GCNT2: variants seen among roughly 807,000 people sequenced by gnomAD.
GCNT2 encodes the protein N-acetyllactosaminide beta-1,6-N-acetylglucosaminyl-transferase.
GCNT2 carries 34 observed loss-of-function variants against 34.2 expected under a neutral mutation model. The ratio of observed to expected loss-of-function variants is 1.00; its 90% CI spans 0.76 to 1.32. GCNT2 has a LOEUF of 1.32. GCNT2 is among the 40% of genes most tolerant of loss of function. The probability of loss-of-function intolerance (pLI) is 0.00; values close to 1 mark genes in which losing one functional copy is unlikely to be tolerated. For synonymous variants in GCNT2, 212 were observed against 188.0 expected, an observed-to-expected ratio of 1.13 and a Z score of -1.04; for missense variants, 584 against 489.4, an observed-to-expected ratio of 1.19 and a Z score of -1.82.
rs189143197 is a variant in GCNT2, at chr6:10,608,714, T to C, written c.926-12637T>C. On this transcript the variant is annotated intron_variant, in intron 3 of 4. Coordinates refer to ENST00000495262, the MANE Select transcript of GCNT2 (RefSeq NM_145649.5). ...AGAGGCTACCTTAGGGTTTTAACTT[T>C]AGTAACTTAGTTCCTAACAAGGTTG... 1.2e-4 allele frequency among the ~76,000 whole-genome samples: 18 copies of C among 152,336 alleles called. No individual in the cohort carries two copies. In the East Asian group the frequency reaches 2.5e-3, roughly 21 times the overall value.
At chr6:10,563,778 ATATATATATATATAT>A (rs1480347537) in intron 3 of GCNT2, among the ~76,000 whole-genome samples, 2 of 23,190 alleles carry the variant, frequency 8.6e-5, no homozygotes, top group Admixed American at 1.2e-3. Context: ...AAAAAAAAAA[ATATATATATATATAT>A]ATATATATAT....
chr6:10,578,659 G>A (rs1417171652), intron 3 of GCNT2, among the ~76,000 whole-genome samples: 1 of 151,944 alleles, frequency 6.6e-6, no homozygotes, highest in Non-Finnish European at 1.5e-5. Flanking sequence ...TGTTAGCCAG[G>A]ATGGTCTCAA....
chr6:10,573,095 C>G (rs796957382), intron 3 of GCNT2: 2 of 707,374 alleles, frequency 2.8e-6, no homozygotes, highest in African/African-American at 3.8e-5. Flanking sequence ...CTGCCTATCT[C>G]TATTTTAAGA....
chr6:10,621,459 C>G lies in GCNT2; in HGVS notation c.1018+16C>G. 6.5e-7 allele frequency: 1 copy of G among 1,540,614 alleles called. No homozygotes were observed. The highest frequency in any genetic ancestry group is 9.0e-7 in the Non-Finnish European group (1 of 1,113,516). On this transcript the variant is annotated intron_variant, in intron 4 of 4. Coordinates refer to ENST00000495262, the MANE Select transcript of GCNT2 (RefSeq NM_145649.5). ...GGCTGCCACGGTGAGGCTCTCGTTC[C>G]ATGCTTCTAGGCCACTGCCTGTTGG...
chr6:10,583,356 C>G (rs565936752), intron 3 of GCNT2, among the ~76,000 whole-genome samples: 1 of 152,288 alleles, frequency 6.6e-6, no homozygotes, highest in East Asian at 1.9e-4. Flanking sequence ...GCTGTTCCAA[C>G]TGGCACAAGC....
chr6:10,525,481 G>A (rs1305922036), intron 1 of GCNT2, among the ~76,000 whole-genome samples: 1 of 152,100 alleles, frequency 6.6e-6, no homozygotes, highest in African/African-American at 2.4e-5. Context: ...ACAAACGCAA[G>A]AGCCTAGAGC....
chr6:10,592,795 G>T (rs978645143), intron 3 of GCNT2, among the ~76,000 whole-genome samples: 1 of 152,134 alleles, frequency 6.6e-6, no homozygotes, highest in Non-Finnish European at 1.5e-5. Flanking sequence ...AGGATGGAGT[G>T]CAGTGGTGTG....
At chr6:10,611,988 T>G (rs1485871884) in intron 3 of GCNT2, among the ~76,000 whole-genome samples, 3 of 151,998 alleles carry the variant, frequency 2.0e-5, no homozygotes, top group Non-Finnish European at 4.4e-5. Context: ...GTTTTTTTTT[T>G]GTTTGCTTGT....
At position 10,527,643 on chromosome 6, in the gene GCNT2, G is replaced by C. The variant is rs1427117170; in HGVS notation, c.-299G>C. 1.3e-5 allele frequency: 2 copies of C among 152,174 alleles called. No homozygotes were observed. Among genetic ancestry groups the C allele is most frequent in the African/African-American group, 4.8e-5 (2 of 41,436 alleles). The allele number at this position is 152,174 out of a possible 1,614,324, so 9.4% of individuals were successfully genotyped here. A position where few individuals can be genotyped will look rare whatever the true frequency, so the allele number is the denominator to read the frequency against. On this transcript the variant is annotated 5_prime_UTR_variant, in exon 2 of 5. Transcript: ENST00000495262. ...AGAGGAGGGAGTAAGGGAAGAGTAAGAAGATTTCAAAGGAGAGGTAATTGT... is the reference window on the plus strand; with the variant it reads ...AGAGGAGGGAGTAAGGGAAGAGTAACAAGATTTCAAAGGAGAGGTAATTGT...
intron 3 of GCNT2, among the ~76,000 whole-genome samples, chr6:10,603,186 C>T (rs542600012): frequency 4.9e-4 from 74 of 152,258 alleles, no homozygotes; most frequent in African/African-American, 1.4e-3. Context: ...ACATGAGTGA[C>T]GCCTCACCTC....
In GCNT2 at chr6:10,626,489, T is replaced by C. The variant is rs1114167313; in HGVS notation, c.1091T>C (p.Phe364Ser). 1 of 1,613,800 alleles carries C rather than the reference T, an allele frequency of 6.2e-7. No homozygotes were observed. The highest frequency in any genetic ancestry group is 8.5e-7 in the Non-Finnish European group (1 of 1,179,656). ...LKWLVNSPSL[F>S]ANKFELNTYP... Reference sequence around the variant, plus strand: ...TGGCTGGTTAATTCACCAAGCCTGTTTGCTAACAAGTTTGAGCTTAATACC... The same window carrying C: ...TGGCTGGTTAATTCACCAAGCCTGTCTGCTAACAAGTTTGAGCTTAATACC... Residue 364 changes from phenylalanine to serine, a missense_variant, in exon 5 of 5, where the codon TTT becomes TCT. Phe to Ser is a radical substitution (Grantham distance 155). Transcript: ENST00000495262.
chr6:10,569,601 C>T (rs2127394481), intron 3 of GCNT2, among the ~76,000 whole-genome samples: 1 of 152,332 alleles, frequency 6.6e-6, no homozygotes, highest in South Asian at 2.1e-4. Flanking sequence ...TTTGGGAATG[C>T]TTCTCATGCT....
chr6:10,609,802 A>G (rs1359734687), intron 3 of GCNT2, among the ~76,000 whole-genome samples: 3 of 152,214 alleles, frequency 2.0e-5, no homozygotes, highest in Non-Finnish European at 4.4e-5. Context: ...GTAGAAATGT[A>G]AAATGAGAAA....
intron 3 of GCNT2, among the ~76,000 whole-genome samples, chr6:10,533,619 C>T (rs568409365): frequency 6.6e-6 from 1 of 151,374 alleles, no homozygotes; most frequent in African/African-American, 2.4e-5. Flanking sequence ...GAAACCCCAA[C>T]TCTACTAAAA....
At chr6:10,604,532 A>T (rs1581473206) in intron 3 of GCNT2, among the ~76,000 whole-genome samples, 2 of 152,082 alleles carry the variant, frequency 1.3e-5, no homozygotes, top group East Asian at 3.9e-4. Flanking sequence ...GAGACATAAT[A>T]CTTGGTGCTT....
rs746871443 is a variant in GCNT2, at chr6:10,529,599, A to G, written c.688A>G (p.Lys230Glu). Residue 230 changes from lysine (K) to glutamate (E), a missense_variant, in exon 3 of 5, where the codon AAA (lysine) becomes GAA (glutamate). Lys to Glu is a moderately conservative substitution (Grantham distance 56). Transcript: ENST00000495262. Reference protein sequence around the residue: ...LPPDHAVGRTKYVHQELLNHK... With the variant: ...LPPDHAVGRTEYVHQELLNHK... The stretch of plus-strand genomic sequence containing the variant: ...TCCTGACCACGCTGTTGGACGGACT[A>G]AATACGTCCACCAAGAACTGTTAAA... The G allele has an allele frequency of 1.9e-6, 3 of 1,613,756 alleles. No individual in the cohort carries two copies. Among genetic ancestry groups the G allele is most frequent in the South Asian group, 1.1e-5 (1 of 91,072 alleles).
intron 3 of GCNT2, among the ~76,000 whole-genome samples, chr6:10,607,591 G>A (rs968078016): frequency 5.9e-5 from 9 of 152,044 alleles, no homozygotes; most frequent in Non-Finnish European, 8.8e-5. Flanking sequence ...GTATGTCATG[G>A]CTTTCCATGT....
intron 3 of GCNT2, among the ~76,000 whole-genome samples, chr6:10,592,850 C>T (rs986174478): frequency 6.6e-6 from 1 of 152,084 alleles, no homozygotes; most frequent in African/African-American, 2.4e-5. Flanking sequence ...AAGCAATTCT[C>T]CTGCCTCAGC....
chr6:10,593,800 A>C (rs778029523), intron 3 of GCNT2, among the ~76,000 whole-genome samples: 1 of 152,200 alleles, frequency 6.6e-6, no homozygotes, highest in East Asian at 1.9e-4. Flanking sequence ...TTGAAAATAC[A>C]TATCTCTTCC....
Sources: gnomAD v4.1 joint callset for allele counts (sites outside exome capture counted in the v4.1 genomes callset) on GRCh38, gnomAD v4.1.1 for gene constraint, MANE v1.5 for transcripts, NCBI Gene and HGNC (gene_info 2026-07-23, HGNC 2026-07-21) for gene names.